Variants in CDH18 observed in about 807,000 individuals in gnomAD.
CDH18 encodes the protein cadherin-18.
In CDH18, 31 loss-of-function variants were observed where a neutral mutation model predicts 67.9. That is an observed-to-expected ratio of 0.46 (90% CI 0.34 to 0.62). The LOEUF (loss-of-function observed/expected upper bound fraction) is 0.62. CDH18 is among the 20% of genes least tolerant of loss of function. CDH18 has a pLI of 0.01. For missense variants in CDH18, 890 were observed against 975.5 expected, an observed-to-expected ratio of 0.91 and a Z score of 1.17; for synonymous variants, 362 against 347.2, an observed-to-expected ratio of 1.04 and a Z score of -0.48.
intron 2 of CDH18, among the ~76,000 whole-genome samples, chr5:19,908,697 C>T (rs1020875303): frequency 5.9e-5 from 9 of 152,108 alleles, no homozygotes; most frequent in Admixed American, 2.6e-4. Flanking sequence ...GTCATATGGC[C>T]TATTTTCATC....
At chr5:20,539,733 T>TAC (rs67594407) in intron 1 of CDH18, among the ~76,000 whole-genome samples, 103 of 146,778 alleles carry the variant, frequency 7.0e-4, no homozygotes, top group Non-Finnish European at 8.3e-4. Context: ...CCACCACCAC[T>TAC]ACACACACAC....
intron 3 of CDH18, among the ~76,000 whole-genome samples, chr5:19,832,556 A>C (rs921136615): frequency 1.3e-5 from 2 of 151,564 alleles, no homozygotes; most frequent in African/African-American, 4.8e-5. Context: ...TTTATACAAG[A>C]CTGCTATGAA....
rs572156104 is a variant in CDH18 at position 20,308,360 on chromosome 5, C to T, written c.-579-52855G>A. Among the ~76,000 whole-genome samples the T allele has an allele frequency of 7.2e-5, 11 of 151,744 alleles. No individual in the cohort carries two copies. In the East Asian group the frequency reaches 7.8e-4, roughly 11 times the overall value. ...GAGTTCAAGACCAGCCTGGGCGACA[C>T]GGTGAAACCCCATCTCTACTAAAAT... On this transcript the variant is annotated intron_variant, in intron 1 of 14. Transcript: ENST00000507958.
chr5:19,719,576 G>A (rs1765747223), intron 5 of CDH18, among the ~76,000 whole-genome samples: 2 of 151,128 alleles, frequency 1.3e-5, no homozygotes, highest in South Asian at 4.2e-4. Context: ...GTACATTTTT[G>A]TGCCACCACT....
chr5:19,646,454 C>T (rs1359685194), intron 5 of CDH18, among the ~76,000 whole-genome samples: 2 of 152,096 alleles, frequency 1.3e-5, no homozygotes, highest in African/African-American at 4.8e-5. Context: ...ATTCTCCTGC[C>T]TCAGCCTCCT....
chr5:19,711,714 G>C lies in CDH18; in HGVS notation c.643+9633C>G, dbSNP rs115724094. Among the ~76,000 whole-genome samples the C allele has an allele frequency of 4.0e-3, 600 of 148,480 alleles. 4 individuals are homozygous for C. The highest frequency in any genetic ancestry group is 0.014 in the African/African-American group (566 of 40,558). ...AGAGAAAAGGGAATGTTTATACACT[G>C]TTGATAGGAATGTAAATTAGCACAA... On this transcript the variant is annotated intron_variant, in intron 5 of 12. Coordinates refer to ENST00000382275, the MANE Select transcript of CDH18 (RefSeq NM_004934.5).
intron 1 of CDH18, among the ~76,000 whole-genome samples, chr5:20,301,710 T>A (rs1318314658): frequency 6.6e-6 from 1 of 152,184 alleles, no homozygotes; most frequent in East Asian, 1.9e-4. Flanking sequence ...GAAAACTTGT[T>A]TTGAACTCTA....
At chr5:20,573,876 ATTTATATATATAAAAGAAATATATATATG>A in intron 1 of CDH18, among the ~76,000 whole-genome samples, 1 of 20,242 alleles carries the variant, frequency 4.9e-5, no homozygotes, top group Non-Finnish European at 1.1e-4. Context: ...ATATATATGT[ATTTATATATATAAAAGAAATATATATATG>A]TATTTATATA....
chr5:20,107,598 A>G (rs952323357), intron 2 of CDH18, among the ~76,000 whole-genome samples: 2 of 152,110 alleles, frequency 1.3e-5, no homozygotes, highest in African/African-American at 4.8e-5. Context: ...GCAGACATTG[A>G]TTTTCTTATA....
intron 2 of CDH18, among the ~76,000 whole-genome samples, chr5:20,176,834 T>C (rs1267516496): frequency 2.0e-5 from 3 of 152,118 alleles, no homozygotes; most frequent in African/African-American, 7.2e-5. Flanking sequence ...AGCTAAAAAT[T>C]AGCCCATCTT....
intron 2 of CDH18, among the ~76,000 whole-genome samples, chr5:20,072,523 G>A (rs555242007): frequency 1.3e-5 from 2 of 152,024 alleles, no homozygotes; most frequent in African/African-American, 4.8e-5. Flanking sequence ...TCTGAGAAAC[G>A]TTCAGAAGAG....
chr5:19,694,732 A>G (rs1201389218), intron 5 of CDH18, among the ~76,000 whole-genome samples: 1 of 151,830 alleles, frequency 6.6e-6, no homozygotes, highest in African/African-American at 2.4e-5. Context: ...AGCACTTTGT[A>G]AAAGATAAAA....
chr5:19,864,484 T>C (rs903533140), intron 2 of CDH18, among the ~76,000 whole-genome samples: 3 of 151,864 alleles, frequency 2.0e-5, no homozygotes, highest in South Asian at 4.2e-4. Flanking sequence ...CATATGTAAC[T>C]AACCTGCACA....
chr5:20,451,055 T>A (rs1338929409), intron 1 of CDH18, among the ~76,000 whole-genome samples: 2 of 152,304 alleles, frequency 1.3e-5, no homozygotes, highest in East Asian at 1.9e-4. Context: ...TCCAATGACG[T>A]GAGAATTATG....
At chr5:20,453,413 G>A (rs1226256792) in intron 1 of CDH18, among the ~76,000 whole-genome samples, 5 of 152,060 alleles carry the variant, frequency 3.3e-5, no homozygotes, top group South Asian at 2.1e-4. Flanking sequence ...ACAAGTCCAT[G>A]AAAGTCATTC....
chr5:20,453,467 C>T (rs1014600078), intron 1 of CDH18, among the ~76,000 whole-genome samples: 1 of 152,122 alleles, frequency 6.6e-6, no homozygotes, highest in Non-Finnish European at 1.5e-5. Flanking sequence ...GAAAGAAATA[C>T]CCCATGCATT....
intron 2 of CDH18, among the ~76,000 whole-genome samples, chr5:20,065,009 T>C (rs1742851621): frequency 6.6e-6 from 1 of 152,110 alleles, no homozygotes; most frequent in Non-Finnish European, 1.5e-5. Context: ...TTAATTTTCC[T>C]AAACTGTTAA....
chr5:19,761,914 A>C (rs2149707288), intron 3 of CDH18, among the ~76,000 whole-genome samples: 1 of 152,304 alleles, frequency 6.6e-6, no homozygotes, highest in South Asian at 2.1e-4. Flanking sequence ...ATGGAACAGA[A>C]CAGAGCCCTC....
intron 2 of CDH18, among the ~76,000 whole-genome samples, chr5:20,093,721 T>G (rs1274339588): frequency 6.6e-6 from 1 of 152,088 alleles, no homozygotes; most frequent in Non-Finnish European, 1.5e-5. Flanking sequence ...GGTAAGTGAG[T>G]AAACATACTA....
Sources: gnomAD v4.1 joint callset for allele counts (sites outside exome capture counted in the v4.1 genomes callset) on GRCh38, gnomAD v4.1.1 for gene constraint, MANE v1.5 for transcripts, NCBI Gene and HGNC (gene_info 2026-07-23, HGNC 2026-07-21) for gene names.